The following RB1CC1 variants were observed in gnomAD, a reference collection of about 807,000 sequenced individuals.
RB1CC1 encodes RB1 inducible coiled-coil 1.
A neutral mutation model predicts 177.5 loss-of-function variants in RB1CC1; 46 were observed. That is an observed-to-expected ratio of 0.26 (90% confidence interval 0.20 to 0.33). RB1CC1 has a LOEUF of 0.33. Ranked by LOEUF, RB1CC1 falls within the 10% of genes least tolerant of loss-of-function variation. The pLI is 1.00. For synonymous variants in RB1CC1, 666 were observed against 613.6 expected, an observed-to-expected ratio of 1.09 and a Z score of -1.26; for missense variants, 1,703 against 1,816.3, an observed-to-expected ratio of 0.94 and a Z score of 1.13.
At chr8:52,630,675 T>A in intron 20 of RB1CC1, 147 bp from the exon 21 acceptor site, 1 of 722,000 alleles carries the variant, frequency 1.4e-6, no homozygotes, top group Non-Finnish European at 2.0e-6. Context: ...TGTTCATTAA[T>A]AATTCCTTTA....
intron 8 of RB1CC1, among the ~76,000 whole-genome samples, chr8:52,663,345 G>A (rs1369358937): frequency 6.6e-6 from 1 of 151,234 alleles, no homozygotes; most frequent in Non-Finnish European, 1.5e-5. Flanking sequence ...CATAGGTTTG[G>A]TGAGTGAGGT....
intron 7 of RB1CC1, 51 bp downstream of exon 7, chr8:52,673,794 T>C: frequency 6.9e-7 from 1 of 1,447,604 alleles, no homozygotes; most frequent in Non-Finnish European, 9.3e-7. Flanking sequence ...TTAGGATAAA[T>C]AATATAAAGT....
chr8:52,666,781 G>C (rs1250615808), intron 8 of RB1CC1, among the ~76,000 whole-genome samples: 1 of 151,576 alleles, frequency 6.6e-6, no homozygotes, highest in East Asian at 1.9e-4. Context: ...ACTAAAAAAA[G>C]AGAAAAAGTT....
chr8:52,685,223 C>T (rs562501897), intron 3 of RB1CC1, among the ~76,000 whole-genome samples, 176 bp downstream of exon 3: 12 of 152,052 alleles, frequency 7.9e-5, no homozygotes, highest in South Asian at 2.1e-4. Flanking sequence ...AGGATGGTCT[C>T]GATCTTTCTT....
intron 1 of RB1CC1, among the ~76,000 whole-genome samples, chr8:52,700,278 C>A (rs1264521799): frequency 6.6e-6 from 1 of 151,928 alleles, no homozygotes; most frequent in Non-Finnish European, 1.5e-5. Context: ...TTGGCAGCAC[C>A]CTTGGGAGGC....
chr8:52,661,492 C>G (rs1851624833), intron 9 of RB1CC1, 43 bp downstream of exon 9: 1 of 1,514,916 alleles, frequency 6.6e-7, no homozygotes, highest in Non-Finnish European at 8.9e-7. Context: ...AATATAAATA[C>G]CAATTCTAAA....
chr8:52,695,827 G>T (rs181208968), intron 1 of RB1CC1, among the ~76,000 whole-genome samples: 129 of 152,294 alleles, frequency 8.5e-4, no homozygotes, highest in Non-Finnish European at 1.0e-3. Context: ...AAGTGTAATT[G>T]TGAGTATAGT....
intron 16 of RB1CC1, 72 bp from the exon 17 acceptor site, chr8:52,642,884 C>A: frequency 7.3e-7 from 1 of 1,362,460 alleles, no homozygotes; most frequent in East Asian, 2.7e-5. Flanking sequence ...AATACACTTG[C>A]AAATATTCTT....
intron 23 of RB1CC1, 38 bp from the exon 24 acceptor site, chr8:52,623,897 T>C: frequency 7.5e-7 from 1 of 1,337,658 alleles, no homozygotes; most frequent in Non-Finnish European, 1.1e-6. Context: ...CTAGAGTGAT[T>C]AAACCACATC....
At chr8:52,655,657 A>G (rs1439428295) in intron 15 of RB1CC1, among the ~76,000 whole-genome samples, 2 of 152,124 alleles carry the variant, frequency 1.3e-5, no homozygotes, top group Admixed American at 6.5e-5. Flanking sequence ...TAAAGAGAAT[A>G]TAAGTAATTT....
chr8:52,626,132 G>A (rs923113216), intron 22 of RB1CC1, among the ~76,000 whole-genome samples: 1 of 152,058 alleles, frequency 6.6e-6, no homozygotes, highest in Non-Finnish European at 1.5e-5. Context: ...GAAGAGTAAT[G>A]AGCCCCACTA....
intron 1 of RB1CC1, among the ~76,000 whole-genome samples, chr8:52,700,450 G>A (rs1855951313): frequency 6.6e-6 from 1 of 152,046 alleles, no homozygotes; most frequent in Admixed American, 6.6e-5. Flanking sequence ...CAGGAGGATG[G>A]CTTGAACCTG....
In RB1CC1 at chr8:52,668,148, T is replaced by C. The variant is rs760298947; in HGVS notation, c.1046A>G (p.Gln349Arg). Residue 349 changes from glutamine (Q) to arginine (R), a missense_variant, in exon 8 of 24, where the codon CAA (glutamine) becomes CGA (arginine). Gln to Arg is a conservative substitution (Grantham distance 43). Transcript: ENST00000025008. ...IIRPFIAECR[Q>R]TIAKLDNQNM... ...CTGATTATCAAGTTTGGCAATAGTTTGACGGCATTCTGCTATAAATGGTCG... is the reference window on the plus strand; with the variant it reads ...CTGATTATCAAGTTTGGCAATAGTTCGACGGCATTCTGCTATAAATGGTCG... The C allele has an allele frequency of 6.2e-7, 1 of 1,614,072 alleles. No individual in the cohort carries two copies. The highest frequency in any genetic ancestry group is 8.5e-7 in the Non-Finnish European group (1 of 1,179,988).
At position 52,665,400 on chromosome 8, in the gene RB1CC1, A is replaced by G. The variant is rs535429057; in HGVS notation, c.1173+2621T>C. Among the ~76,000 whole-genome samples, 464 of 152,310 alleles carry G rather than the reference A, an allele frequency of 3.0e-3. 2 individuals carry two copies. Among genetic ancestry groups the G allele is most frequent in the African/African-American group, 0.01 (428 of 41,572 alleles). ...TATGGCAGGCATTAGAACATTATTA[A>G]TTAATATTTAAAATGAACAAAGACC... On this transcript the variant is annotated intron_variant, in intron 8 of 23. Transcript: ENST00000025008.
chr8:52,633,301 T>A (rs1435304869), intron 20 of RB1CC1, among the ~76,000 whole-genome samples: 1 of 152,162 alleles, frequency 6.6e-6, no homozygotes, highest in African/African-American at 2.4e-5. Context: ...TACAAACATA[T>A]GCCAAGCATC....
chr8:52,634,749 T>C (rs1590923895), intron 20 of RB1CC1, among the ~76,000 whole-genome samples, 172 bp downstream of exon 20: 2 of 152,338 alleles, frequency 1.3e-5, no homozygotes, highest in Admixed American at 1.3e-4. Flanking sequence ...AACTCTGGCC[T>C]GACTTCAGCA....
chr8:52,666,414 A>G (rs1852071278), intron 8 of RB1CC1, among the ~76,000 whole-genome samples: 1 of 152,176 alleles, frequency 6.6e-6, no homozygotes, highest in African/African-American at 2.4e-5. Flanking sequence ...GCTACTTCGG[A>G]GACTGAGGCA....
chr8:52,666,459 A>G (rs2150523277), intron 8 of RB1CC1, among the ~76,000 whole-genome samples: 1 of 152,070 alleles, frequency 6.6e-6, no homozygotes, highest in African/African-American at 2.4e-5. Context: ...CAGACGTTGC[A>G]GTGAGACGAG....
intron 12 of RB1CC1, 125 bp downstream of exon 12, chr8:52,660,471 C>T (rs1171172646): frequency 2.2e-6 from 2 of 915,940 alleles, no homozygotes; most frequent in Non-Finnish European, 3.3e-6. Flanking sequence ...AAGCCAAAAA[C>T]ACTTTTATTT....
Sources: allele counts gnomAD v4.1 joint callset (sites outside exome capture counted in the v4.1 genomes callset), GRCh38; gene constraint gnomAD v4.1.1; transcripts MANE v1.5; gene names NCBI Gene and HGNC (gene_info 2026-07-23, HGNC 2026-07-21).